The following OSMR variants were observed in gnomAD, a reference collection of about 807,000 sequenced individuals.
The protein encoded by OSMR is oncostatin M receptor, also known as oncostatin-M-specific receptor subunit beta.
A neutral mutation model predicts 99.9 loss-of-function variants in OSMR; 81 were observed. That is an observed-to-expected ratio of 0.81 (90% CI 0.68 to 0.97). The LOEUF is 0.97. OSMR is among the 50% of genes least tolerant of loss of function. The pLI, the probability that OSMR is intolerant of heterozygous loss-of-function variation, is 0.00. For synonymous variants in OSMR, 406 were observed against 410.4 expected (o/e 0.99, Z 0.13); for missense variants, 1,099 against 1,153.4 (o/e 0.95, Z 0.68).
At position 38,923,134 on chromosome 5, in the gene OSMR, G is replaced by A; in HGVS notation, c.1766-16G>A. Reference sequence around the variant, plus strand: ...ATCATTCTGTTATTAAAAATCTGTTGACTTTTTTTCCCTAGATGCTTTTAG... The same window carrying A: ...ATCATTCTGTTATTAAAAATCTGTTAACTTTTTTTCCCTAGATGCTTTTAG... On this transcript the variant is annotated splice_polypyrimidine_tract_variant and intron_variant, in intron 12 of 17. Coordinates refer to ENST00000274276, the MANE Select transcript of OSMR (RefSeq NM_003999.3). 6.2e-7 allele frequency: 1 copy of A among 1,612,406 alleles called. No individual in the cohort carries two copies. The highest frequency in any genetic ancestry group is 8.5e-7 in the Non-Finnish European group (1 of 1,178,626).
chr5:38,904,101 CT>C (rs1745066169), intron 8 of OSMR, 77 bp downstream of exon 8: 7 of 1,581,784 alleles, frequency 4.4e-6, no homozygotes, highest in Non-Finnish European at 6.0e-6. Flanking sequence ...AATAAAATCA[CT>C]TTAAACTCTT....
chr5:38,909,055 T>C (rs1745415077), intron 9 of OSMR, among the ~76,000 whole-genome samples: 1 of 152,110 alleles, frequency 6.6e-6, no homozygotes. Flanking sequence ...AAAGACAAAA[T>C]GTCCATTTAA....
intron 1 of OSMR, among the ~76,000 whole-genome samples, chr5:38,863,515 G>T (rs959317341): frequency 2.6e-5 from 4 of 152,262 alleles, no homozygotes; most frequent in African/African-American, 9.6e-5. Flanking sequence ...CCAGCCTGGT[G>T]ACAGAGCAAG....
chr5:38,862,884 G>A (rs1185438933), intron 1 of OSMR, among the ~76,000 whole-genome samples: 1 of 152,060 alleles, frequency 6.6e-6, no homozygotes, highest in Non-Finnish European at 1.5e-5. Flanking sequence ...ATTGAGCACT[G>A]AGTGAACCAG....
intron 7 of OSMR, among the ~76,000 whole-genome samples, chr5:38,894,905 A>G (rs1744401172): frequency 6.6e-6 from 1 of 152,100 alleles, no homozygotes; most frequent in East Asian, 1.9e-4. Flanking sequence ...CAGAATATAC[A>G]TTCTTCTCAT....
chr5:38,944,369 T>C, intron 2 of OSMR: 1 of 1,433,010 alleles, frequency 7.0e-7, no homozygotes, highest in African/African-American at 1.4e-5. Context: ...AGCCTAACTT[T>C]TGAAGTATTT....
intron 9 of OSMR, among the ~76,000 whole-genome samples, chr5:38,911,694 C>T (rs905771457): frequency 2.0e-5 from 3 of 152,128 alleles, no homozygotes; most frequent in Non-Finnish European, 4.4e-5. Flanking sequence ...TCCAGCAGCA[C>T]ATTAAAAAGC....
At chr5:38,884,239 T>C in intron 5 of OSMR, 128 bp downstream of exon 5, 1 of 831,804 alleles carries the variant, frequency 1.2e-6, no homozygotes, top group East Asian at 2.4e-5. Flanking sequence ...CCAAGTTTTC[T>C]AGGAGAGGCT....
chr5:38,891,378 GC>G (rs1258742413), intron 7 of OSMR, among the ~76,000 whole-genome samples: 1 of 152,194 alleles, frequency 6.6e-6, no homozygotes, highest in Non-Finnish European at 1.5e-5. Flanking sequence ...GCTAGTGTGC[GC>G]TGCTCTCACA....
intron 9 of OSMR, among the ~76,000 whole-genome samples, chr5:38,910,600 T>C (rs1465540683): frequency 6.6e-6 from 1 of 152,206 alleles, no homozygotes; most frequent in Non-Finnish European, 1.5e-5. Context: ...AACCTGCTCC[T>C]GAAAGACTTT....
chr5:38,944,357 C>G, intron 2 of OSMR: 1 of 1,339,626 alleles, frequency 7.5e-7, no homozygotes, highest in African/African-American at 1.5e-5. Flanking sequence ...TGTAAGTTAA[C>G]TAGCCTAACT....
intron 13 of OSMR, 23 bp downstream of exon 13, chr5:38,923,277 G>T (rs1746320569): frequency 7.3e-7 from 1 of 1,370,408 alleles, no homozygotes; most frequent in Non-Finnish European, 1.0e-6. Flanking sequence ...CATGTAATGT[G>T]CCCCATGTGC....
At chr5:38,851,978 C>T (rs1020150956) in intron 1 of OSMR, among the ~76,000 whole-genome samples, 4 of 152,226 alleles carry the variant, frequency 2.6e-5, no homozygotes, top group Non-Finnish European at 4.4e-5. Context: ...TGTGAGGCCT[C>T]CCCAACCACG....
chr5:38,931,997 A>C, intron 16 of OSMR, 33 bp downstream of exon 16: 1 of 1,472,836 alleles, frequency 6.8e-7, no homozygotes, highest in Non-Finnish European at 9.5e-7. Flanking sequence ...ATCCAAGAAG[A>C]GAGTAAGAGA....
intron 15 of OSMR, among the ~76,000 whole-genome samples, chr5:38,928,785 T>A (rs1746589058): frequency 1.3e-5 from 2 of 152,192 alleles, no homozygotes; most frequent in African/African-American, 4.8e-5. Flanking sequence ...GAACCCCTTA[T>A]CTGATTAAGA....
chr5:38,908,566 C>T (rs1172876864), intron 9 of OSMR, among the ~76,000 whole-genome samples: 1 of 152,200 alleles, frequency 6.6e-6, no homozygotes, highest in Non-Finnish European at 1.5e-5. Flanking sequence ...ACAGCAGGTT[C>T]CTAGCCTTGA....
chr5:38,903,841 T>G, intron 7 of OSMR, 41 bp from the exon 8 acceptor site: 1 of 1,588,294 alleles, frequency 6.3e-7, no homozygotes, highest in Non-Finnish European at 8.6e-7. Flanking sequence ...TTTTTGGATC[T>G]ATGCTTGAAT....
At position 38,869,017 on chromosome 5, in the gene OSMR, A is replaced by C. The variant is rs776418896; in HGVS notation, c.-13-15A>C. ...ATTAAATAAAATTTTCCTTCTTATA[A>C]TTTATCTTTTTCAGAAAACCAGAAC... is the stretch of plus-strand genomic sequence containing the variant. On this transcript the variant is annotated splice_polypyrimidine_tract_variant and intron_variant, in intron 1 of 17. Transcript: ENST00000274276. 7 of 1,612,294 alleles carry C rather than the reference A, an allele frequency of 4.3e-6. No homozygotes were observed. In the African/African-American group the frequency reaches 8.0e-5, roughly 18 times the overall value.
At chr5:38,913,845 A>G (rs1219883653) in intron 9 of OSMR, among the ~76,000 whole-genome samples, 1 of 152,200 alleles carries the variant, frequency 6.6e-6, no homozygotes, top group African/African-American at 2.4e-5. Flanking sequence ...ACGTTTTTGC[A>G]CAGAAGGAGG....
Sources: allele counts gnomAD v4.1 joint callset (sites outside exome capture counted in the v4.1 genomes callset), GRCh38; gene constraint gnomAD v4.1.1; transcripts MANE v1.5; gene names NCBI Gene and HGNC (gene_info 2026-07-23, HGNC 2026-07-21).